The following ATP2A1 variants were observed in gnomAD, a reference collection of about 807,000 sequenced individuals.
The protein encoded by ATP2A1 is ATPase sarcoplasmic/endoplasmic reticulum Ca2+ transporting 1.
In ATP2A1, 83 loss-of-function variants were observed where a neutral mutation model predicts 109.5. The ratio of observed to expected loss-of-function variants is 0.76; its 90% CI spans 0.63 to 0.91. The LOEUF (loss-of-function observed/expected upper bound fraction) is 0.91. ATP2A1 is among the 40% of genes least tolerant of loss of function. The pLI, the probability that ATP2A1 is intolerant of heterozygous loss-of-function variation, is 0.00. For synonymous variants in ATP2A1, 505 were observed against 537.6 expected, an observed-to-expected ratio of 0.94 and a Z score of 0.84; for missense variants, 1,101 against 1,341.0, an observed-to-expected ratio of 0.82 and a Z score of 2.80.
intron 15 of ATP2A1, among the ~76,000 whole-genome samples, 160 bp downstream of exon 15, chr16:28,901,076 G>GC (rs1395562307): frequency 6.6e-6 from 1 of 152,134 alleles, no homozygotes; most frequent in Non-Finnish European, 1.5e-5. Context: ...TGTGGGCTGG[G>GC]CCTGGCACTT....
chr16:28,900,639 C>T lies in ATP2A1; in HGVS notation c.1823C>T (p.Thr608Met), dbSNP rs764667200. 19 of 1,601,904 alleles carry T rather than the reference C, an allele frequency of 1.2e-5. No individual in the cohort carries two copies. The highest frequency in any genetic ancestry group is 3.4e-5 in the Admixed American group (2 of 59,664). ...GMLDPPRKEVTGSIQLCRDAG... is the reference protein window; with the variant it reads ...GMLDPPRKEVMGSIQLCRDAG... ...CTGGACCCTCCGCGCAAGGAGGTCACGGGCTCCATCCAGCTGTGCCGTGAC... is the reference window on the plus strand; with the variant it reads ...CTGGACCCTCCGCGCAAGGAGGTCATGGGCTCCATCCAGCTGTGCCGTGAC... Residue 608 changes from threonine to methionine, a missense_variant, in exon 15 of 23, where the codon ACG (threonine) becomes ATG (methionine). Coordinates refer to ENST00000395503, the MANE Select transcript of ATP2A1 (RefSeq NM_004320.6).
chr16:28,894,632 T>C, intron 11 of ATP2A1, 25 bp downstream of exon 11: 2 of 1,612,812 alleles, frequency 1.2e-6, no homozygotes, highest in Non-Finnish European at 1.7e-6. Context: ...CCCTTCCAGT[T>C]GGCTCAGAGT....
At chr16:28,890,562 G>A (rs1289539678) in intron 9 of ATP2A1, among the ~76,000 whole-genome samples, 1 of 152,162 alleles carries the variant, frequency 6.6e-6, no homozygotes, top group Non-Finnish European at 1.5e-5. Context: ...GGCTGAGGCG[G>A]AAGGATCACT....
In ATP2A1 at chr16:28,902,939, CCCTCCCCTGAGGCCACTGCCCACAT is replaced by C. The variant is rs764724729; in HGVS notation, c.2744+34_2744+58del. 26 of 1,613,756 alleles carry C rather than the reference CCCTCCCCTGAGGCCACTGCCCACAT, an allele frequency of 1.6e-5. 1 individual carries two copies. The Admixed American group carries it at 2.5e-4, about 16-fold the overall frequency. On this transcript the variant is annotated intron_variant, in intron 19 of 22. Transcript: ENST00000395503. This position sits in a 1 kb window ranked among gnomAD's most constrained non-coding sequence, Gnocchi z 4.8. ...GGGGGCCCCCCAGCTACACCCACCA[CCCTCCCCTGAGGCCACTGCCCACAT>C]CCTCCACTGTGCCGCCCACCTCCTT...
chr16:28,878,918 G>T lies in ATP2A1; in HGVS notation c.118+129G>T, dbSNP rs538925740. ...AGAGCTGGGCCGTTGTCCAATGCTC[G>T]CAGGGGGAAGAAGATACTGAGAAAA... On this transcript the variant is annotated intron_variant, in intron 1 of 22. Coordinates refer to ENST00000395503, the MANE Select transcript of ATP2A1 (RefSeq NM_004320.6). The T allele has an allele frequency of 5.3e-6, 7 of 1,330,586 alleles. No individual in the cohort carries two copies. In the East Asian group the frequency reaches 1.1e-4, roughly 22 times the overall value. 82.4% of individuals were successfully genotyped at this position (1,330,586 alleles called of 1,614,324 possible).
chr16:28,888,829 G>A lies in ATP2A1; in HGVS notation c.971G>A (p.Arg324His), dbSNP rs751166692. The A allele has an allele frequency of 6.4e-5, 92 of 1,440,056 alleles. No individual in the cohort carries two copies. The highest frequency in any genetic ancestry group is 8.2e-5 in the Non-Finnish European group (88 of 1,070,242). The allele number at this position is 1,440,056 out of a possible 1,614,324, so 89.2% of individuals were successfully genotyped here. A position where few individuals can be genotyped will look rare whatever the true frequency, so the allele number is the denominator to read the frequency against. ...ACCACCTGCCTGGCCCTGGGTACCC[G>A]TCGGATGGCAAAGAAGAATGCCATT... ...VITTCLALGT[R>H]RMAKKNAIVR... is the part of the protein sequence containing the mutation. Residue 324 changes from arginine (R) to histidine (H), a missense_variant, in exon 9 of 23, where the codon CGT (arginine) becomes CAT (histidine). Physicochemically the swap from Arg to His is conservative, Grantham distance 29. Transcript: ENST00000395503.
At chr16:28,901,116 G>C (rs1352941537) in intron 15 of ATP2A1, among the ~76,000 whole-genome samples, 200 bp downstream of exon 15, 1 of 151,958 alleles carries the variant, frequency 6.6e-6, no homozygotes, top group East Asian at 1.9e-4. Flanking sequence ...GATCACTTGA[G>C]CAGGAGTTCG....
chr16:28,897,905 G>A (rs1963961951), intron 12 of ATP2A1, 95 bp from the exon 13 acceptor site: 1 of 1,482,600 alleles, frequency 6.7e-7, no homozygotes, highest in Non-Finnish European at 9.4e-7. Flanking sequence ...CAGACTTAGT[G>A]TTAGTCTCAG....
At chr16:28,899,168 G>A (rs959552409) in intron 14 of ATP2A1, among the ~76,000 whole-genome samples, 3 of 152,168 alleles carry the variant, frequency 2.0e-5, no homozygotes, top group African/African-American at 7.2e-5. Context: ...AGACTGTCTC[G>A]AGACAGTTGA....
At position 28,902,966 on chromosome 16, in the gene ATP2A1, C is replaced by T. The variant is rs866768607; in HGVS notation, c.2744+55C>T. 6.2e-6 allele frequency: 10 copies of T among 1,613,704 alleles called. No homozygotes were observed. The Middle Eastern group carries it at 1.2e-3, about 186-fold the overall frequency. ...CTCCCCTGAGGCCACTGCCCACATCCTCCACTGTGCCGCCCACCTCCTTCC... is the reference window on the plus strand; with the variant it reads ...CTCCCCTGAGGCCACTGCCCACATCTTCCACTGTGCCGCCCACCTCCTTCC... On this transcript the variant is annotated intron_variant, in intron 19 of 22. Transcript: ENST00000395503. This position sits in a 1 kb window ranked among gnomAD's most constrained non-coding sequence, Gnocchi z 4.8.
In ATP2A1 at chr16:28,903,164, C is replaced by A; in HGVS notation, c.2862+17C>A. On this transcript the variant is annotated intron_variant, in intron 20 of 22. Coordinates refer to ENST00000395503, the MANE Select transcript of ATP2A1 (RefSeq NM_004320.6). The surrounding 1 kb of genome is among the most constrained non-coding windows in gnomAD (Gnocchi z 5.6). ...CCCCTGCCGGTGAGGTTTCTTCCGCCCAGGGCCGCCCACCCCAGCACTGGG... is the reference window on the plus strand; with the variant it reads ...CCCCTGCCGGTGAGGTTTCTTCCGCACAGGGCCGCCCACCCCAGCACTGGG... The A allele has an allele frequency of 6.2e-7, 1 of 1,612,252 alleles. No individual in the cohort carries two copies. Among genetic ancestry groups the A allele is most frequent in the Non-Finnish European group, 8.5e-7 (1 of 1,178,898 alleles).
chr16:28,888,108 G>C (rs1435153006), intron 8 of ATP2A1, among the ~76,000 whole-genome samples: 5 of 147,372 alleles, frequency 3.4e-5, no homozygotes, highest in Non-Finnish European at 6.0e-5. Context: ...GCCTTGCTCA[G>C]TGCAACCTCT....
chr16:28,887,083 G>C (rs1034023096), intron 6 of ATP2A1, 106 bp from the exon 7 acceptor site: 1 of 1,180,796 alleles, frequency 8.5e-7, no homozygotes, highest in South Asian at 1.2e-5. Flanking sequence ...ATGGCTACTT[G>C]GTCCTTACCA....
chr16:28,881,167 G>A, intron 4 of ATP2A1, 148 bp downstream of exon 4: 1 of 827,726 alleles, frequency 1.2e-6, no homozygotes, highest in Non-Finnish European at 2.0e-6. Context: ...ATGGAGTGTG[G>A]GGAAGAGGTG....
chr16:28,879,970 C>T (rs1963411083), intron 3 of ATP2A1: 3 of 1,011,272 alleles, frequency 3.0e-6, no homozygotes, highest in South Asian at 4.0e-5. Context: ...CCAATCCCCG[C>T]GCCCGTCGGC....
chr16:28,894,412 C>G (rs1963860667), intron 10 of ATP2A1, 93 bp from the exon 11 acceptor site: 1 of 1,357,358 alleles, frequency 7.4e-7, no homozygotes, highest in Non-Finnish European at 1.0e-6. Context: ...CTTCCTTACC[C>G]TCTGCTGCCT....
rs903365474 is a variant in ATP2A1 at position 28,894,597 on chromosome 16, A to G, written c.1277A>G (p.Asp426Gly). ...GCCCTCTGCAATGACTCCTCCTTGG[A>G]CTTCAACGAGGTAACCTCTCCTTCC... Reference protein sequence around the residue: ...ICALCNDSSLDFNEAKGVYEK... With the variant: ...ICALCNDSSLGFNEAKGVYEK... The change falls in exon 11 of 23, where the codon GAC becomes GGC. Residue 426 changes from aspartate (D) to glycine (G), a missense_variant. Transcript: ENST00000395503. The G allele has an allele frequency of 3.1e-6, 5 of 1,613,864 alleles. No homozygotes were observed. Among genetic ancestry groups the G allele is most frequent in the South Asian group, 1.1e-5 (1 of 91,070 alleles).
rs760115144 is a variant in ATP2A1, at chr16:28,903,652, C to T, written c.2981-48C>T. The T allele has an allele frequency of 1.3e-6, 2 of 1,543,878 alleles. No homozygotes were observed. Among genetic ancestry groups the T allele is most frequent in the Non-Finnish European group, 1.8e-6 (2 of 1,116,146 alleles). ...CCCCACAGCCCCTATAGCCCCCATG[C>T]CACCTCCCTGCCTTGATAACAGTGC... On this transcript the variant is annotated intron_variant, in intron 21 of 22. Transcript: ENST00000395503. This position sits in a 1 kb window ranked among gnomAD's most constrained non-coding sequence, Gnocchi z 5.6.
At position 28,903,598 on chromosome 16, in the gene ATP2A1, C is replaced by A. The variant is rs1184371694; in HGVS notation, c.2981-102C>A. ...CCCCCTGCGCCTGCAGGGGCCACATCTCCGGGGCAGCCCCACTGCCTCCTC... is the reference window on the plus strand; with the variant it reads ...CCCCCTGCGCCTGCAGGGGCCACATATCCGGGGCAGCCCCACTGCCTCCTC... On this transcript the variant is annotated intron_variant, in intron 21 of 22. Coordinates refer to ENST00000395503, the MANE Select transcript of ATP2A1 (RefSeq NM_004320.6). The surrounding 1 kb of genome is among the most constrained non-coding windows in gnomAD (Gnocchi z 5.6). The A allele has an allele frequency of 8.2e-7, 1 of 1,212,824 alleles. No individual in the cohort carries two copies. The highest frequency in any genetic ancestry group is 2.3e-5 in the East Asian group (1 of 43,040). The allele number at this position is 1,212,824 out of a possible 1,614,324, so 75.1% of individuals were successfully genotyped here.
Sources: gnomAD v4.1 joint callset for allele counts (sites outside exome capture counted in the v4.1 genomes callset) on GRCh38, gnomAD v4.1.1 for gene constraint, Gnocchi (gnomAD v3.1) non-coding constraint, MANE v1.5 for transcripts, NCBI Gene and HGNC (gene_info 2026-07-23, HGNC 2026-07-21) for gene names.